Variants in LYPLAL1 observed in about 807,000 individuals in gnomAD.
LYPLAL1 encodes the protein lysophospholipase like 1.
A neutral mutation model predicts 19.7 loss-of-function variants in LYPLAL1; 23 were observed. The observed-to-expected ratio is 1.17, with a 90% CI of 0.84 to 1.65. LYPLAL1 has a LOEUF of 1.65. Ranked by LOEUF, LYPLAL1 falls within the 40% of genes most tolerant of loss-of-function variation. The pLI is 0.00. For synonymous variants in LYPLAL1, 119 were observed against 96.3 expected (o/e 1.24, Z -1.38); for missense variants, 355 against 279.4 (o/e 1.27, Z -1.93).
At chr1:219,353,161 C>A in the LYPLAL1 span, among the ~76,000 whole-genome samples, 1 of 152,212 alleles carries the variant, frequency 6.6e-6, no homozygotes, top group South Asian at 2.1e-4. Context: ...GAGGCATTTA[C>A]TAGATCCTGG....
At chr1:219,323,157 G>A in the LYPLAL1 span, among the ~76,000 whole-genome samples, 18 of 152,158 alleles carry the variant, frequency 1.2e-4, no homozygotes, top group Admixed American at 1.1e-3. Context: ...GAGATGCAGC[G>A]ACATTTGGGG....
the LYPLAL1 span, among the ~76,000 whole-genome samples, chr1:219,414,928 A>G: frequency 6.6e-6 from 1 of 152,218 alleles, no homozygotes; most frequent in Non-Finnish European, 1.5e-5. Context: ...ATTAAAGAAC[A>G]CTCATCTCTA....
the LYPLAL1 span, chr1:219,409,882 C>T: frequency 6.6e-6 from 1 of 152,190 alleles, no homozygotes; most frequent in Non-Finnish European, 1.5e-5. Context: ...GACGAACACC[C>T]AGCAAGCAGT....
chr1:219,219,291 C>T, the LYPLAL1 span, among the ~76,000 whole-genome samples: 10 of 152,154 alleles, frequency 6.6e-5, no homozygotes, highest in Non-Finnish European at 1.5e-5. Flanking sequence ...GAAAGTTTTC[C>T]TGAATAACCA....
the LYPLAL1 span, among the ~76,000 whole-genome samples, chr1:219,405,635 T>G: frequency 3.3e-5 from 5 of 152,212 alleles, no homozygotes; most frequent in Non-Finnish European, 5.9e-5. Flanking sequence ...GACACCATGT[T>G]TTAGATATTA....
chr1:219,387,912 G>A, the LYPLAL1 span, among the ~76,000 whole-genome samples: 4 of 152,062 alleles, frequency 2.6e-5, no homozygotes, highest in East Asian at 1.9e-4. Context: ...ACCTAGATTC[G>A]GTTCTAATTC....
the LYPLAL1 span, among the ~76,000 whole-genome samples, chr1:219,275,420 C>A: frequency 1.3e-5 from 2 of 152,082 alleles, no homozygotes; most frequent in East Asian, 3.9e-4. Context: ...TAACTAAATG[C>A]ACAAACAAGG....
the LYPLAL1 span, chr1:219,225,581 A>G: frequency 1.3e-5 from 2 of 151,530 alleles, no homozygotes; most frequent in Admixed American, 1.3e-4. Context: ...TCTTAGTTCT[A>G]CCCTCCTCAT....
the LYPLAL1 span, among the ~76,000 whole-genome samples, chr1:219,292,150 TG>T: frequency 1.3e-5 from 2 of 152,206 alleles, no homozygotes; most frequent in Non-Finnish European, 2.9e-5. Context: ...CACCTTGTGT[TG>T]CTGCCTTCTG....
chr1:219,419,594 CAG>C, the LYPLAL1 span, among the ~76,000 whole-genome samples: 13 of 99,596 alleles, frequency 1.3e-4, no homozygotes, highest in East Asian at 1.8e-3. Flanking sequence ...CACACACACA[CAG>C]AGAGAGAGAG....
the LYPLAL1 span, among the ~76,000 whole-genome samples, chr1:219,345,222 C>T: frequency 6.6e-6 from 1 of 152,220 alleles, no homozygotes; most frequent in Admixed American, 6.5e-5. Context: ...ATTTAATCAC[C>T]TCTATTAGAA....
chr1:219,248,331 G>A, the LYPLAL1 span, among the ~76,000 whole-genome samples: 2 of 152,152 alleles, frequency 1.3e-5, no homozygotes, highest in Admixed American at 1.3e-4. Flanking sequence ...GAGGATGTTT[G>A]CCACACCTGG....
the LYPLAL1 span, among the ~76,000 whole-genome samples, chr1:219,233,023 ATTC>A: frequency 3.3e-5 from 5 of 152,196 alleles, no homozygotes; most frequent in Admixed American, 6.5e-5. Flanking sequence ...TGATCCAGTG[ATTC>A]TTCTTCTTGG....
chr1:219,377,520 G>C, the LYPLAL1 span, among the ~76,000 whole-genome samples: 649 of 152,202 alleles, frequency 4.3e-3, 8 homozygotes, highest in African/African-American at 0.015. Flanking sequence ...TTTTGTCACA[G>C]TAAAAAAGTA....
chr1:219,283,051 A>G, the LYPLAL1 span, among the ~76,000 whole-genome samples: 143,797 of 152,204 alleles, frequency 0.94, 68,167 homozygotes, highest in East Asian at 1. Context: ...TTATTGATAG[A>G]CCTATGGCAG....
At chr1:219,417,835 C>G in the LYPLAL1 span, among the ~76,000 whole-genome samples, 3 of 152,248 alleles carry the variant, frequency 2.0e-5, no homozygotes, top group African/African-American at 7.2e-5. Flanking sequence ...AGTCATCCCT[C>G]TGGGCCTTGC....
At chr1:219,265,459 G>A in the LYPLAL1 span, among the ~76,000 whole-genome samples, 15 of 152,030 alleles carry the variant, frequency 9.9e-5, no homozygotes, top group South Asian at 2.1e-4. Flanking sequence ...ATTGTAAAAC[G>A]GCGCTTGATT....
chr1:219,285,771 A>G, the LYPLAL1 span, among the ~76,000 whole-genome samples: 9 of 152,192 alleles, frequency 5.9e-5, no homozygotes, highest in African/African-American at 1.9e-4. Flanking sequence ...TTTAGGGGCA[A>G]TGAAATTGTT....
At chr1:219,379,515 G>C in the LYPLAL1 span, among the ~76,000 whole-genome samples, 1 of 152,208 alleles carries the variant, frequency 6.6e-6, no homozygotes. Flanking sequence ...GAAATGACAA[G>C]CTTAAGGACA....
Sources: gnomAD v4.1 joint callset for allele counts (sites outside exome capture counted in the v4.1 genomes callset) on GRCh38, gnomAD v4.1.1 for gene constraint, MANE v1.5 for transcripts, NCBI Gene and HGNC (gene_info 2026-07-23, HGNC 2026-07-21) for gene names.